The following NDUFA9 variants were observed in gnomAD, a reference collection of about 807,000 sequenced individuals.
The protein encoded by NDUFA9 is NADH dehydrogenase [ubiquinone] 1 alpha subcomplex subunit 9, mitochondrial.
Under a neutral mutation model 45.9 loss-of-function variants are expected in NDUFA9, and 23 were observed. The ratio of observed to expected loss-of-function variants is 0.50; its 90% CI spans 0.36 to 0.71. The LOEUF (loss-of-function observed/expected upper bound fraction) is 0.71. Among genes scored for constraint, NDUFA9 ranks in the 30% least tolerant of loss-of-function variants. The pLI is 0.00. For synonymous variants in NDUFA9, 176 were observed against 170.5 expected (o/e 1.03, Z -0.25); for missense variants, 466 against 488.2 (o/e 0.95, Z 0.43).
At chr12:4,686,555 T>C (rs937501783) in intron 10 of NDUFA9, among the ~76,000 whole-genome samples, 1 of 152,108 alleles carries the variant, frequency 6.6e-6, no homozygotes, top group Non-Finnish European at 1.5e-5. Flanking sequence ...CCAGCTCTGC[T>C]TAAGCCCTGA....
At chr12:4,684,014 G>T (rs1020460249) in intron 9 of NDUFA9, among the ~76,000 whole-genome samples, 1 of 152,200 alleles carries the variant, frequency 6.6e-6, no homozygotes, top group Non-Finnish European at 1.5e-5. Flanking sequence ...CACTTTCATG[G>T]TTGTATATAA....
At chr12:4,649,852 C>T (rs1181557161) in intron 1 of NDUFA9, among the ~76,000 whole-genome samples, 1 of 152,132 alleles carries the variant, frequency 6.6e-6, no homozygotes, top group African/African-American at 2.4e-5. Flanking sequence ...TTTAGTTTCT[C>T]TTCTGTTCTG....
intron 6 of NDUFA9, among the ~76,000 whole-genome samples, chr12:4,666,853 A>G (rs1945856071): frequency 6.6e-6 from 1 of 152,188 alleles, no homozygotes; most frequent in Admixed American, 6.5e-5. Flanking sequence ...GGCTATTTAA[A>G]GGAATCCCTT....
chr12:4,663,363 G>A (rs187883248), intron 6 of NDUFA9, among the ~76,000 whole-genome samples: 127 of 152,100 alleles, frequency 8.3e-4, no homozygotes, highest in African/African-American at 2.9e-3. Flanking sequence ...GCTAAATTGC[G>A]CCCCCTCATA....
chr12:4,649,345 C>T (rs920380340), intron 1 of NDUFA9, among the ~76,000 whole-genome samples, 170 bp downstream of exon 1: 1 of 152,178 alleles, frequency 6.6e-6, no homozygotes, highest in Non-Finnish European at 1.5e-5. Flanking sequence ...TCCGCTTCCC[C>T]GGCTCACATA....
At chr12:4,678,400 T>G (rs1945933406) in intron 8 of NDUFA9, among the ~76,000 whole-genome samples, 1 of 152,070 alleles carries the variant, frequency 6.6e-6, no homozygotes, top group Admixed American at 6.6e-5. Context: ...AGAAGATTTT[T>G]ACCTATGGCA....
At chr12:4,652,169 G>A (rs1460833250) in intron 1 of NDUFA9, among the ~76,000 whole-genome samples, 1 of 152,090 alleles carries the variant, frequency 6.6e-6, no homozygotes, top group East Asian at 1.9e-4. Context: ...CAGTGGGTGA[G>A]CTCCTTCTGT....
At chr12:4,658,574 C>G (rs1415632215) in intron 4 of NDUFA9, among the ~76,000 whole-genome samples, 1 of 152,120 alleles carries the variant, frequency 6.6e-6, no homozygotes, top group Non-Finnish European at 1.5e-5. Flanking sequence ...CCTAACACTT[C>G]AGCAGCCAGT....
At chr12:4,682,543 A>G (rs187448276) in intron 9 of NDUFA9, among the ~76,000 whole-genome samples, 26 of 152,360 alleles carry the variant, frequency 1.7e-4, no homozygotes, top group African/African-American at 5.5e-4. Flanking sequence ...GTGAAGATGC[A>G]GTTCTTCACT....
intron 8 of NDUFA9, among the ~76,000 whole-genome samples, chr12:4,670,471 A>T (rs536508927): frequency 1.3e-5 from 2 of 152,326 alleles, no homozygotes; most frequent in East Asian, 3.9e-4. Context: ...CTGTGAAGCA[A>T]ACTAGTGACA....
intron 10 of NDUFA9, 40 bp from the exon 11 acceptor site, chr12:4,686,898 C>G (rs1945989808): frequency 6.3e-7 from 1 of 1,593,180 alleles, no homozygotes; most frequent in Non-Finnish European, 8.6e-7. Flanking sequence ...TGTTCTCAGC[C>G]AGTTTTCAGC....
At chr12:4,658,113 C>T (rs1444528547) in intron 4 of NDUFA9, among the ~76,000 whole-genome samples, 1 of 152,176 alleles carries the variant, frequency 6.6e-6, no homozygotes, top group African/African-American at 2.4e-5. Flanking sequence ...GGATCAGTCC[C>T]TATGGGATGG....
At chr12:4,674,967 TCTCAGA>T (rs1945910249) in intron 8 of NDUFA9, among the ~76,000 whole-genome samples, 2 of 152,274 alleles carry the variant, frequency 1.3e-5, no homozygotes, top group African/African-American at 4.8e-5. Context: ...CATAACAGTC[TCTCAGA>T]CCACAGGACA....
intron 6 of NDUFA9, 57 bp from the exon 7 acceptor site, chr12:4,668,400 T>G (rs1945865611): frequency 7.5e-7 from 1 of 1,326,288 alleles, no homozygotes; most frequent in African/African-American, 1.4e-5. Flanking sequence ...TTAAGACTGT[T>G]GGATCTTACA....
chr12:4,691,290 A>C lies in NDUFA9; in HGVS notation c.*4182A>C, dbSNP rs1455432338. 1 of 152,236 alleles carries C rather than the reference A, an allele frequency of 6.6e-6. No individual in the cohort carries two copies. The highest frequency in any genetic ancestry group is 2.4e-5 in the African/African-American group (1 of 41,462). 9.4% of individuals were successfully genotyped at this position (152,236 alleles called of 1,614,324 possible). ...TGAGCCATTATCATTTAAGTAGGGA[A>C]TATCATGCCCATCTGAGTCCATACA... On this transcript the variant is annotated 3_prime_UTR_variant, in exon 11 of 11. Transcript: ENST00000266544.
chr12:4,678,685 CAT>C (rs1204834340), intron 8 of NDUFA9, among the ~76,000 whole-genome samples: 1 of 152,074 alleles, frequency 6.6e-6, no homozygotes, highest in South Asian at 2.1e-4. Context: ...CACTAAAAAA[CAT>C]ATGAAAAGAT....
chr12:4,669,511 G>A (rs753618801), intron 7 of NDUFA9, among the ~76,000 whole-genome samples: 9 of 152,190 alleles, frequency 5.9e-5, no homozygotes, highest in Middle Eastern at 3.2e-3. Flanking sequence ...CTTGGATAGC[G>A]GTGATTATTT....
intron 8 of NDUFA9, among the ~76,000 whole-genome samples, chr12:4,679,312 G>C (rs183232798): frequency 5.8e-4 from 89 of 152,224 alleles, no homozygotes; most frequent in Middle Eastern, 3.4e-3. Context: ...TCTAAAACTG[G>C]ATTATGGTAA....
At chr12:4,682,324 T>C in intron 9 of NDUFA9, 24 bp downstream of exon 9, 4 of 1,565,524 alleles carry the variant, frequency 2.6e-6, no homozygotes, top group Non-Finnish European at 3.5e-6. Context: ...TCCTTTTGTG[T>C]GACTTCTGAA....
Sources: allele counts gnomAD v4.1 joint callset (sites outside exome capture counted in the v4.1 genomes callset), GRCh38; gene constraint gnomAD v4.1.1; transcripts MANE v1.5; gene names NCBI Gene and HGNC (gene_info 2026-07-23, HGNC 2026-07-21).